CACNA1D: variants seen among roughly 807,000 people sequenced by gnomAD.
CACNA1D encodes calcium voltage-gated channel subunit alpha1 D, also known as voltage-dependent L-type calcium channel subunit alpha-1D.
Under a neutral mutation model 257.1 loss-of-function variants are expected in CACNA1D, and 55 were observed. The ratio of observed to expected loss-of-function variants is 0.21; its 90% CI spans 0.17 to 0.27. The LOEUF is 0.27. Ranked by LOEUF, CACNA1D falls within the 10% of genes least tolerant of loss-of-function variation. The pLI is 1.00. For missense variants in CACNA1D, 1,876 were observed against 2,784.0 expected, an observed-to-expected ratio of 0.67 and a Z score of 7.34; for synonymous variants, 980 against 1,014.9, an observed-to-expected ratio of 0.97 and a Z score of 0.65.
At chr3:53,687,040 T>C (rs1027597730) in intron 8 of CACNA1D, among the ~76,000 whole-genome samples, 1 of 151,918 alleles carries the variant, frequency 6.6e-6, no homozygotes, top group African/African-American at 2.4e-5. Flanking sequence ...TCAAAAATTA[T>C]TTACAATAGC....
chr3:53,516,270 C>G (rs530925501), intron 3 of CACNA1D, among the ~76,000 whole-genome samples: 21 of 152,186 alleles, frequency 1.4e-4, no homozygotes, highest in African/African-American at 4.6e-4. Flanking sequence ...TCCTATACCC[C>G]CCTTGAAGTG....
rs1305889280 is a variant in CACNA1D at position 53,635,517 on chromosome 3, T to G, written c.484-15262T>G. Among the ~76,000 whole-genome samples, 5 of 152,280 alleles carry G rather than the reference T, an allele frequency of 3.3e-5. No individual in the cohort carries two copies. The East Asian group carries it at 9.7e-4, about 29-fold the overall frequency. On this transcript the variant is annotated intron_variant, in intron 3 of 47. Transcript: ENST00000350061. ...GAGTTAGTTTGCTGGGCATCTTCCC[T>G]TTTTTCTCTGTCCAGCTCCCAGGTG... is the stretch of plus-strand genomic sequence containing the variant.
At chr3:53,617,301 G>A (rs1225686691) in intron 3 of CACNA1D, among the ~76,000 whole-genome samples, 1 of 152,110 alleles carries the variant, frequency 6.6e-6, no homozygotes, top group Non-Finnish European at 1.5e-5. Context: ...TGGGTGGGGT[G>A]GAGGTAGTGA....
rs1405654476 is a variant in CACNA1D, at chr3:53,774,580, C to T, written c.4111-7C>T. On this transcript the variant is annotated splice_polypyrimidine_tract_variant and splice_region_variant and intron_variant, in intron 33 of 47. Transcript: ENST00000350061. The surrounding 1 kb of genome is among the most constrained non-coding windows in gnomAD (Gnocchi z 4.3). ...ATTCTCTTTTTCCTGACAACTTCTC[C>T]ACCTAGATGTTTGGGAAAGTTGCCA... The T allele has an allele frequency of 1.3e-6, 2 of 1,539,562 alleles. No individual in the cohort carries two copies. The highest frequency in any genetic ancestry group is 9.0e-7 in the Non-Finnish European group (1 of 1,111,888).
At chr3:53,609,429 A>C (rs897637764) in intron 3 of CACNA1D, among the ~76,000 whole-genome samples, 5 of 151,778 alleles carry the variant, frequency 3.3e-5, no homozygotes, top group Admixed American at 6.6e-5. Context: ...AAAAAAAAAA[A>C]AAAACTTCAA....
At chr3:53,589,018 C>T (rs116075285) in intron 3 of CACNA1D, among the ~76,000 whole-genome samples, 1,726 of 152,328 alleles carry the variant, frequency 0.011, 41 homozygotes, top group African/African-American at 0.039. Context: ...CTAAAACTTA[C>T]GCATCACGGC....
chr3:53,701,273 C>G (rs1444894290), intron 8 of CACNA1D, among the ~76,000 whole-genome samples: 1 of 152,120 alleles, frequency 6.6e-6, no homozygotes, highest in Non-Finnish European at 1.5e-5. Context: ...TCCTGAGTAA[C>G]TGGGACTGCA....
At chr3:53,599,505 G>A (rs543418706) in intron 3 of CACNA1D, among the ~76,000 whole-genome samples, 5 of 152,086 alleles carry the variant, frequency 3.3e-5, no homozygotes, top group African/African-American at 1.2e-4. Flanking sequence ...AAACAAAAGG[G>A]TTAATAGCCC....
intron 4 of CACNA1D, among the ~76,000 whole-genome samples, chr3:53,656,425 C>T (rs1282867438): frequency 6.6e-6 from 1 of 152,016 alleles, no homozygotes; most frequent in African/African-American, 2.4e-5. Flanking sequence ...GTATGTTTTT[C>T]CATTTGTTTG....
chr3:53,771,759 G>A (rs2095367487), intron 32 of CACNA1D, among the ~76,000 whole-genome samples: 1 of 152,242 alleles, frequency 6.6e-6, no homozygotes, highest in Admixed American at 6.5e-5. Flanking sequence ...ATGTTCCAGA[G>A]CAGCAGTTCA....
intron 28 of CACNA1D, among the ~76,000 whole-genome samples, 200 bp from the exon 29 acceptor site, chr3:53,753,372 T>C (rs1046176425): frequency 1.3e-5 from 2 of 152,238 alleles, no homozygotes; most frequent in African/African-American, 4.8e-5. Context: ...CATCATTCAA[T>C]CATCCTCATC....
At position 53,800,541 on chromosome 3, in the gene CACNA1D, C is replaced by T; in HGVS notation, c.5040+176C>T. On this transcript the variant is annotated intron_variant, in intron 41 of 47. Coordinates refer to ENST00000350061, the MANE Select transcript of CACNA1D (RefSeq NM_001128840.3). The surrounding 1 kb of genome is among the most constrained non-coding windows in gnomAD (Gnocchi z 4.3). ...TACAGACCCTCCCCAGGCATCAGCA[C>T]CTCTTCTAGGGCCAGGCCAGCTCTT... 1 of 696,462 alleles carries T rather than the reference C, an allele frequency of 1.4e-6. No individual in the cohort carries two copies. 43.1% of individuals were successfully genotyped at this position (696,462 alleles called of 1,614,324 possible).
Position 53,691,900 on chromosome 3 carries a change from CATATATT to C in CACNA1D, c.1221-10734_1221-10728del, listed in dbSNP as rs1188708124. Among the ~76,000 whole-genome samples, 5 of 31,762 alleles carry C rather than the reference CATATATT, an allele frequency of 1.6e-4. No homozygotes were observed. The East Asian group carries it at 4.5e-3, about 29-fold the overall frequency. The allele number at this position is 31,762 out of a possible 152,430, so 20.8% of individuals were successfully genotyped here. The stretch of plus-strand genomic sequence containing the variant: ...CATATAATATATATTATATATATTA[CATATATT>C]ATATATAATATATATTATATATATT... On this transcript the variant is annotated intron_variant, in intron 8 of 47. Coordinates refer to ENST00000350061, the MANE Select transcript of CACNA1D (RefSeq NM_001128840.3).
intron 39 of CACNA1D, 126 bp downstream of exon 39, chr3:53,781,793 G>A: frequency 1.3e-6 from 1 of 742,092 alleles, no homozygotes; most frequent in Non-Finnish European, 2.5e-6. Context: ...AAGGCCAACT[G>A]ATAAAGAAAG....
chr3:53,716,208 A>G (rs1474642933), intron 9 of CACNA1D, among the ~76,000 whole-genome samples: 1 of 152,264 alleles, frequency 6.6e-6, no homozygotes, highest in Non-Finnish European at 1.5e-5. Context: ...TGTGGAGTTC[A>G]CACCACCATT....
chr3:53,790,906 T>A, intron 40 of CACNA1D: 1 of 687,248 alleles, frequency 1.5e-6, no homozygotes, highest in Non-Finnish European at 2.6e-6. Flanking sequence ...CTTTTTAAAT[T>A]TTTTTCTTTT....
rs6766988 is a variant in CACNA1D, at chr3:53,805,443, T to A, written c.5749+297T>A. 0.23 allele frequency among the ~76,000 whole-genome samples: 35,589 copies of A among 152,180 alleles called. 8,387 individuals are homozygous for A. The highest frequency in any genetic ancestry group is 0.61 in the African/African-American group (25,382 of 41,470). Reference sequence around the variant, plus strand: ...AAGGGGTGTTTTGCATACATAGCATTGTCTTTGAACCTGGGACCATCCTGA... The same window carrying A: ...AAGGGGTGTTTTGCATACATAGCATAGTCTTTGAACCTGGGACCATCCTGA... On this transcript the variant is annotated intron_variant, in intron 45 of 47. Coordinates refer to ENST00000350061, the MANE Select transcript of CACNA1D (RefSeq NM_001128840.3).
intron 38 of CACNA1D, 143 bp downstream of exon 38, chr3:53,780,271 C>A: frequency 1.4e-6 from 1 of 710,388 alleles, no homozygotes; most frequent in Admixed American, 2.0e-5. Context: ...GATGTCCATG[C>A]TGGGCTTGCC....
At chr3:53,504,184 A>G (rs1010988237) in intron 3 of CACNA1D, among the ~76,000 whole-genome samples, 2 of 152,114 alleles carry the variant, frequency 1.3e-5, no homozygotes, top group African/African-American at 4.8e-5. Context: ...TTTAATGTGA[A>G]TGGTAAAATC....
Sources: allele counts gnomAD v4.1 joint callset (sites outside exome capture counted in the v4.1 genomes callset), GRCh38; gene constraint gnomAD v4.1.1; non-coding constraint Gnocchi (gnomAD v3.1); transcripts MANE v1.5; gene names NCBI Gene and HGNC (gene_info 2026-07-23, HGNC 2026-07-21).